The following UMAD1 variants were observed in gnomAD, a reference collection of about 807,000 sequenced individuals.
The protein encoded by UMAD1 is UBAP1-MVB12-associated (UMA)-domain containing protein 1.
Under a neutral mutation model 6.1 loss-of-function variants are expected in UMAD1, and 8 were observed. The ratio of observed to expected loss-of-function variants is 1.30; its 90% CI spans 0.76 to 2.35. The LOEUF (loss-of-function observed/expected upper bound fraction) is 2.35, where lower values mean the gene tolerates loss of function less well. UMAD1 is among the 30% of genes most tolerant of loss of function. The probability of loss-of-function intolerance (pLI) is 0.00; values close to 1 mark genes in which losing one functional copy is unlikely to be tolerated. For synonymous variants in UMAD1, 56 were observed against 31.4 expected (o/e 1.78, Z -2.61); for missense variants, 130 against 78.4 (o/e 1.66, Z -2.49).
chr7:7,837,541 T>C (rs1241538148), intron 3 of UMAD1, among the ~76,000 whole-genome samples: 1 of 152,086 alleles, frequency 6.6e-6, no homozygotes, highest in Non-Finnish European at 1.5e-5. Context: ...CAAAAGCCAC[T>C]GACTAAGTAT....
At position 7,760,815 on chromosome 7, in the gene UMAD1, T is replaced by C. The variant is rs115933342; in HGVS notation, c.83-40855T>C. On this transcript the variant is annotated intron_variant, in intron 2 of 3. Transcript: ENST00000682710. ...GCTATGAAGGGCCTTGAATGTGAGA[T>C]TGAAGAAAATAACAGTACCACTGAA... Among the ~76,000 whole-genome samples the C allele has an allele frequency of 2.3e-3, 353 of 152,256 alleles. 1 individual carries two copies. Among genetic ancestry groups the C allele is most frequent in the African/African-American group, 7.6e-3 (315 of 41,542 alleles).
At chr7:7,681,871 G>A (rs746888058) in intron 2 of UMAD1, among the ~76,000 whole-genome samples, 13 of 152,072 alleles carry the variant, frequency 8.5e-5, no homozygotes, top group East Asian at 1.9e-4. Flanking sequence ...GGGATATTGC[G>A]TAAATGTTAG....
At chr7:7,828,960 C>G (rs898466479) in intron 3 of UMAD1, among the ~76,000 whole-genome samples, 2 of 152,124 alleles carry the variant, frequency 1.3e-5, no homozygotes, top group Admixed American at 6.6e-5. Flanking sequence ...AGATAAAAAT[C>G]AGTGGTTTTC....
intron 2 of UMAD1, among the ~76,000 whole-genome samples, chr7:7,722,161 ATATATATATG>A (rs1323619632): frequency 3.6e-4 from 50 of 139,052 alleles, no homozygotes; most frequent in African/African-American, 1.3e-3. Context: ...CTCTCTCTAT[ATATATATATG>A]TATATATATG....
intron 1 of UMAD1, among the ~76,000 whole-genome samples, chr7:7,662,164 C>T (rs995535767): frequency 1.1e-4 from 17 of 152,140 alleles, no homozygotes; most frequent in Non-Finnish European, 1.5e-5. Flanking sequence ...TTCCCCCCAC[C>T]AAGCTCGAGT....
intron 2 of UMAD1, among the ~76,000 whole-genome samples, chr7:7,744,173 T>A (rs1320112506): frequency 2.6e-5 from 4 of 152,184 alleles, no homozygotes; most frequent in Admixed American, 2.0e-4. Context: ...ATAAATGAAA[T>A]TTTAAAATAG....
intron 2 of UMAD1, among the ~76,000 whole-genome samples, chr7:7,790,000 T>G (rs1782539300): frequency 6.6e-6 from 1 of 152,186 alleles, no homozygotes; most frequent in African/African-American, 2.4e-5. Context: ...TACAGAGTTA[T>G]TTATTTTTTA....
chr7:7,756,636 T>C (rs2115226065), intron 2 of UMAD1, among the ~76,000 whole-genome samples: 1 of 152,314 alleles, frequency 6.6e-6, no homozygotes. Context: ...CATGGGTTGC[T>C]TTTTACTAGA....
At chr7:7,746,119 G>T (rs890098953) in intron 2 of UMAD1, among the ~76,000 whole-genome samples, 5 of 152,184 alleles carry the variant, frequency 3.3e-5, no homozygotes, top group African/African-American at 1.2e-4. Context: ...ATATTCTCGT[G>T]TTTGAATGCT....
intron 2 of UMAD1, among the ~76,000 whole-genome samples, chr7:7,782,760 G>A (rs1477724248): frequency 7.1e-5 from 10 of 141,152 alleles, no homozygotes; most frequent in East Asian, 2.0e-4. Flanking sequence ...TTTTTGAGAC[G>A]GAGTCTCTTT....
chr7:7,656,384 G>A (rs140470905), intron 1 of UMAD1, among the ~76,000 whole-genome samples: 1,905 of 150,334 alleles, frequency 0.013, 52 homozygotes, highest in African/African-American at 0.044. Context: ...TGTTTCATAG[G>A]TATACACGTG....
At chr7:7,839,077 G>C (rs1286513946) in intron 3 of UMAD1, among the ~76,000 whole-genome samples, 1 of 152,166 alleles carries the variant, frequency 6.6e-6, no homozygotes, top group Non-Finnish European at 1.5e-5. Flanking sequence ...AAATTGGGTG[G>C]TGAAACACAG....
At chr7:7,670,572 C>T (rs765164587) in intron 1 of UMAD1, among the ~76,000 whole-genome samples, 1 of 152,198 alleles carries the variant, frequency 6.6e-6, no homozygotes, top group Non-Finnish European at 1.5e-5. Flanking sequence ...AAGTAACTCA[C>T]CCCTCCCCAA....
chr7:7,841,360 G>A (rs1347891901), intron 3 of UMAD1, among the ~76,000 whole-genome samples: 2 of 150,094 alleles, frequency 1.3e-5, no homozygotes, highest in Non-Finnish European at 2.9e-5. Flanking sequence ...TGTCGCCAAG[G>A]CTGGAGTGCA....
At position 7,751,101 on chromosome 7, in the gene UMAD1, GAGCAA is replaced by G. The variant is rs539588104; in HGVS notation, c.83-50568_83-50564del. Among the ~76,000 whole-genome samples the G allele has an allele frequency of 3.4e-4, 52 of 152,234 alleles. No individual in the cohort carries two copies. The East Asian group carries it at 6.0e-3, about 17-fold the overall frequency. ...CAGGCTTCTCTTTGTGTATATAGCTGAGCAATGTGAATATAATGCTGTCATTATTG... is the reference window on the plus strand; with the variant it reads ...CAGGCTTCTCTTTGTGTATATAGCTGTGTGAATATAATGCTGTCATTATTG... On this transcript the variant is annotated intron_variant, in intron 2 of 3. Coordinates refer to ENST00000682710, the MANE Select transcript of UMAD1 (RefSeq NM_001302348.2).
At chr7:7,783,053 G>A (rs888532222) in intron 2 of UMAD1, among the ~76,000 whole-genome samples, 1 of 152,138 alleles carries the variant, frequency 6.6e-6, no homozygotes, top group African/African-American at 2.4e-5. Flanking sequence ...TCTGTTATGT[G>A]GACCTACATA....
At chr7:7,774,436 C>T (rs1344558184) in intron 2 of UMAD1, among the ~76,000 whole-genome samples, 1 of 152,158 alleles carries the variant, frequency 6.6e-6, no homozygotes, top group African/African-American at 2.4e-5. Flanking sequence ...GCCATTCCCT[C>T]ACTTTCTGTT....
intron 3 of UMAD1, among the ~76,000 whole-genome samples, chr7:7,821,580 C>G (rs1053412120): frequency 6.6e-6 from 1 of 152,156 alleles, no homozygotes; most frequent in African/African-American, 2.4e-5. Flanking sequence ...TTTTTAACCT[C>G]TGAACAGTCA....
At chr7:7,818,626 AC>A (rs57963533) in intron 3 of UMAD1, among the ~76,000 whole-genome samples, 25,609 of 152,064 alleles carry the variant, frequency 0.17, 2,339 homozygotes, top group African/African-American at 0.19. Flanking sequence ...AGACCTAAAG[AC>A]AGAAATACCA....
Sources: gnomAD v4.1 joint callset for allele counts (sites outside exome capture counted in the v4.1 genomes callset) on GRCh38, gnomAD v4.1.1 for gene constraint, MANE v1.5 for transcripts, NCBI Gene and HGNC (gene_info 2026-07-23, HGNC 2026-07-21) for gene names.